Variants in DLG2 observed in about 807,000 individuals in gnomAD.
DLG2 encodes the protein disks large homolog 2.
In DLG2, 45 loss-of-function variants were observed where a neutral mutation model predicts 132.5. The ratio of observed to expected loss-of-function variants is 0.34; its 90% CI spans 0.27 to 0.44. The LOEUF (loss-of-function observed/expected upper bound fraction) is 0.44. Among genes scored for constraint, DLG2 ranks in the 20% least tolerant of loss-of-function variants. DLG2 has a pLI of 1.00. For missense variants in DLG2, 1,045 were observed against 1,196.9 expected, an observed-to-expected ratio of 0.87 and a Z score of 1.87; for synonymous variants, 424 against 419.6, an observed-to-expected ratio of 1.01 and a Z score of -0.13.
chr11:84,273,819 G>A (rs550483047), intron 7 of DLG2, among the ~76,000 whole-genome samples: 24 of 152,264 alleles, frequency 1.6e-4, no homozygotes, highest in Middle Eastern at 3.4e-3. Context: ...TTAGTTAAGA[G>A]CTAGATGTGA....
rs560870299 is a variant in DLG2, at chr11:84,185,256, A to G, written c.574-21745T>C. On this transcript the variant is annotated intron_variant, in intron 8 of 27. Transcript: ENST00000376104. ...TCCTCTTTTATTTCATTGAGCAGTG[A>G]TATGTAGTTCTCCTTGAAGAGGTCC... is the stretch of plus-strand genomic sequence containing the variant. 2.5e-3 allele frequency among the ~76,000 whole-genome samples: 381 copies of G among 152,110 alleles called. 3 individuals are homozygous for G. Among genetic ancestry groups the G allele is most frequent in the Non-Finnish European group, 4.2e-3 (285 of 67,980 alleles).
At chr11:84,627,693 T>C (rs1359504224) in intron 6 of DLG2, among the ~76,000 whole-genome samples, 2 of 152,216 alleles carry the variant, frequency 1.3e-5, no homozygotes, top group Non-Finnish European at 2.9e-5. Flanking sequence ...GAAGTTTAAT[T>C]GGCTTAAAGT....
intron 19 of DLG2, among the ~76,000 whole-genome samples, chr11:83,583,282 A>G (rs1227788796): frequency 6.6e-6 from 1 of 152,234 alleles, no homozygotes; most frequent in Admixed American, 6.5e-5. Context: ...CAGACAGAGC[A>G]GGTCTCCTCC....
At chr11:84,941,497 T>C (rs1482851449) in intron 6 of DLG2, among the ~76,000 whole-genome samples, 1 of 152,210 alleles carries the variant, frequency 6.6e-6, no homozygotes, top group Admixed American at 6.5e-5. Context: ...ATGGTTTTTA[T>C]CCTTCATTCA....
At chr11:84,548,250 A>C (rs1205640699) in intron 6 of DLG2, among the ~76,000 whole-genome samples, 1 of 152,110 alleles carries the variant, frequency 6.6e-6, no homozygotes, top group Non-Finnish European at 1.5e-5. Context: ...TAACACACAA[A>C]TGAGACAACG....
Position 85,150,121 on chromosome 11 carries a change from G to A in DLG2, c.282+4435C>T, listed in dbSNP as rs978484086. Among the ~76,000 whole-genome samples the A allele has an allele frequency of 7.7e-5, 11 of 142,442 alleles. 1 individual carries two copies. Among genetic ancestry groups the A allele is most frequent in the East Asian group, 6.5e-4 (3 of 4,632 alleles). 93.4% of individuals were successfully genotyped at this position (142,442 alleles called of 152,430 possible). A position where few individuals can be genotyped will look rare whatever the true frequency, so the allele number is the denominator to read the frequency against. Reference sequence around the variant, plus strand: ...TGCAGGTTCCGCCTCCCGAGTTCACGCCATTCTCCTGCCTCGGCCTCCCCA... The same window carrying A: ...TGCAGGTTCCGCCTCCCGAGTTCACACCATTCTCCTGCCTCGGCCTCCCCA... On this transcript the variant is annotated intron_variant, in intron 5 of 27. Coordinates refer to ENST00000376104, the MANE Select transcript of DLG2 (RefSeq NM_001142699.3).
chr11:84,889,845 G>C (rs1040348349), intron 6 of DLG2, among the ~76,000 whole-genome samples: 1 of 152,134 alleles, frequency 6.6e-6, no homozygotes, highest in Non-Finnish European at 1.5e-5. Context: ...AATAGACCTA[G>C]AGACCTACAA....
intron 6 of DLG2, among the ~76,000 whole-genome samples, chr11:84,608,166 G>C (rs935804473): frequency 6.6e-6 from 1 of 152,170 alleles, no homozygotes; most frequent in African/African-American, 2.4e-5. Context: ...CTCATACACA[G>C]AGCACCTAGC....
At chr11:83,670,652 G>A (rs750874248) in intron 18 of DLG2, among the ~76,000 whole-genome samples, 1 of 151,714 alleles carries the variant, frequency 6.6e-6, no homozygotes, top group Non-Finnish European at 1.5e-5. Context: ...ATTCCATCTG[G>A]TCTGCTAAAC....
chr11:83,800,681 C>T (rs1205672280), intron 17 of DLG2, among the ~76,000 whole-genome samples: 1 of 152,064 alleles, frequency 6.6e-6, no homozygotes, highest in African/African-American at 2.4e-5. Context: ...AAAATTAGAC[C>T]TTTAAAAATG....
At chr11:85,444,814 T>C (rs1309039779) in intron 3 of DLG2, among the ~76,000 whole-genome samples, 1 of 152,224 alleles carries the variant, frequency 6.6e-6, no homozygotes, top group Non-Finnish European at 1.5e-5. Flanking sequence ...GTAATTGTGG[T>C]TCTTGTAGTT....
intron 16 of DLG2, among the ~76,000 whole-genome samples, chr11:83,835,799 A>G (rs1429261255): frequency 2.0e-5 from 3 of 152,160 alleles, no homozygotes; most frequent in African/African-American, 7.2e-5. Flanking sequence ...TTCTGTGGAA[A>G]AATCTGCTTC....
At chr11:84,787,293 C>A (rs761608390) in intron 6 of DLG2, among the ~76,000 whole-genome samples, 2 of 152,110 alleles carry the variant, frequency 1.3e-5, no homozygotes, top group African/African-American at 4.8e-5. Flanking sequence ...TCTGACCTGG[C>A]GTGCTCCAGA....
chr11:84,690,855 G>C (rs114637934), intron 6 of DLG2, among the ~76,000 whole-genome samples: 170 of 151,946 alleles, frequency 1.1e-3, no homozygotes, highest in African/African-American at 3.9e-3. Flanking sequence ...TTTAACCACT[G>C]TACTCAGTGG....
chr11:85,101,186 T>A (rs865959847), intron 6 of DLG2, among the ~76,000 whole-genome samples: 1 of 152,064 alleles, frequency 6.6e-6, no homozygotes, highest in Non-Finnish European at 1.5e-5. Context: ...ACTGCCAATA[T>A]AGCAGGCTTC....
intron 7 of DLG2, among the ~76,000 whole-genome samples, chr11:84,257,149 T>C (rs1598477936): frequency 1.3e-5 from 2 of 152,250 alleles, no homozygotes; most frequent in Non-Finnish European, 2.9e-5. Context: ...CCCTCTATTA[T>C]GTTGGCTTAC....
chr11:83,766,266 TGTATTTTTA>T (rs1445158478), intron 18 of DLG2, among the ~76,000 whole-genome samples: 2 of 152,054 alleles, frequency 1.3e-5, no homozygotes, highest in Non-Finnish European at 2.9e-5. Context: ...GCTAATTTTT[TGTATTTTTA>T]GTACAGATGG....
chr11:83,954,704 T>C (rs1011720962), intron 14 of DLG2, among the ~76,000 whole-genome samples: 11 of 152,228 alleles, frequency 7.2e-5, no homozygotes, highest in Admixed American at 7.2e-4. Context: ...AGAGTCACTA[T>C]GAATTTTTTA....
chr11:85,159,699 A>G (rs1181216479), intron 4 of DLG2, among the ~76,000 whole-genome samples: 1 of 152,232 alleles, frequency 6.6e-6, no homozygotes, highest in Non-Finnish European at 1.5e-5. Context: ...CTATGCAGCC[A>G]TTGGCTTGGC....
Sources: allele counts gnomAD v4.1 joint callset (sites outside exome capture counted in the v4.1 genomes callset), GRCh38; gene constraint gnomAD v4.1.1; transcripts MANE v1.5; gene names NCBI Gene and HGNC (gene_info 2026-07-23, HGNC 2026-07-21).